Variants in STK32B observed in about 807,000 individuals in gnomAD.
STK32B encodes the protein serine/threonine-protein kinase 32B.
A neutral mutation model predicts 52.6 loss-of-function variants in STK32B; 43 were observed. The observed-to-expected ratio is 0.82, with a 90% CI of 0.64 to 1.05. The LOEUF is 1.05. STK32B is among the 50% of genes least tolerant of loss of function. STK32B has a pLI of 0.00. For missense variants in STK32B, 621 were observed against 534.6 expected (o/e 1.16, Z -1.59); for synonymous variants, 238 against 204.3 (o/e 1.17, Z -1.41).
chr4:5,437,721 T>G (rs1280484184), intron 6 of STK32B, among the ~76,000 whole-genome samples: 1 of 152,106 alleles, frequency 6.6e-6, no homozygotes, highest in African/African-American at 2.4e-5. Flanking sequence ...TGTTGGGTGG[T>G]TGGGAGAATT....
Position 5,387,801 on chromosome 4 carries a change from A to G in STK32B, c.435-10406A>G, listed in dbSNP as rs144475945. On this transcript the variant is annotated intron_variant, in intron 4 of 11. Coordinates refer to ENST00000282908, the MANE Select transcript of STK32B (RefSeq NM_018401.3). ...CTTTTGTTACCCAGGCTGGAGTGCA[A>G]TGGCACAACCTTGGCTCACCGCAAC... 6.1e-3 allele frequency among the ~76,000 whole-genome samples: 932 copies of G among 152,146 alleles called. 19 individuals carry two copies. The highest frequency in any genetic ancestry group is 0.058 in the East Asian group (300 of 5,184).
rs932135746 is a variant in STK32B at position 5,200,089 on chromosome 4, A to G, written c.260+31639A>G. 6.6e-5 allele frequency among the ~76,000 whole-genome samples: 10 copies of G among 152,106 alleles called. No individual in the cohort carries two copies. In the East Asian group the frequency reaches 7.7e-4, roughly 12 times the overall value. ...GTCACTAGCTGCCAGGCCTCAGACA[A>G]TCTGTTAAGTCTCAGTTTCATCATC... is the stretch of plus-strand genomic sequence containing the variant. On this transcript the variant is annotated intron_variant, in intron 3 of 11. Transcript: ENST00000282908.
intron 3 of STK32B, among the ~76,000 whole-genome samples, chr4:5,310,447 C>A (rs1730218446): frequency 6.6e-6 from 1 of 152,088 alleles, no homozygotes. Flanking sequence ...TGTTCATCAT[C>A]ACTAATCATT....
At chr4:5,066,980 C>G (rs1168109788) in intron 1 of STK32B, among the ~76,000 whole-genome samples, 2 of 152,194 alleles carry the variant, frequency 1.3e-5, no homozygotes, top group Non-Finnish European at 2.9e-5. Flanking sequence ...GTGGCTCTTT[C>G]ATTAAGTCAG....
At chr4:5,193,189 G>C (rs930424994) in intron 3 of STK32B, among the ~76,000 whole-genome samples, 9 of 152,134 alleles carry the variant, frequency 5.9e-5, no homozygotes, top group Non-Finnish European at 1.3e-4. Flanking sequence ...AGCTCTCTCT[G>C]AACCTGACCC....
At chr4:5,199,587 C>G (rs1721964697) in intron 3 of STK32B, among the ~76,000 whole-genome samples, 1 of 150,500 alleles carries the variant, frequency 6.6e-6, no homozygotes, top group Non-Finnish European at 1.5e-5. Context: ...ATTAAATTTT[C>G]TTTTCACTTC....
rs1186260977 is a variant in STK32B at position 5,499,050 on chromosome 4, C to T, written c.1212C>T (p.Leu404=). 6.2e-7 allele frequency: 1 copy of T among 1,613,546 alleles called. No homozygotes were observed. The highest frequency in any genetic ancestry group is 8.5e-7 in the Non-Finnish European group (1 of 1,179,752). The change falls in exon 12 of 12, where the codon CTC becomes CTT. Residue 404 remains leucine (L), a synonymous_variant. Transcript: ENST00000282908. ...KLQDGCNNNL[L]THTCTRGCSS ...AGGACGGGTGCAACAACAACCTCCT[C>T]ACCCACACCTGCACCCGTGGCTGCA... is the stretch of plus-strand genomic sequence containing the variant.
At chr4:5,145,179 C>A (rs1317432857) in intron 2 of STK32B, among the ~76,000 whole-genome samples, 1 of 152,172 alleles carries the variant, frequency 6.6e-6, no homozygotes, top group Non-Finnish European at 1.5e-5. Context: ...ACATTAAGCA[C>A]CAATGTCTTC....
At position 5,051,665 on chromosome 4, in the gene STK32B, C is replaced by T. The variant is rs893362542; in HGVS notation, c.-199C>T. ...AGGCGCGGCGAGAGCGGGGTCCCTG[C>T]GAGCGCAGTCGGAAGGGCGTCCAGG... is the stretch of plus-strand genomic sequence containing the variant. On this transcript the variant is annotated 5_prime_UTR_variant, in exon 1 of 12. Transcript: ENST00000282908. 6 of 605,282 alleles carry T rather than the reference C, an allele frequency of 9.9e-6. No homozygotes were observed. Among genetic ancestry groups the T allele is most frequent in the African/African-American group, 8.0e-5 (4 of 50,304 alleles). 37.5% of individuals were successfully genotyped at this position (605,282 alleles called of 1,614,324 possible).
At chr4:5,132,099 A>G (rs1166235447) in intron 1 of STK32B, among the ~76,000 whole-genome samples, 1 of 152,186 alleles carries the variant, frequency 6.6e-6, no homozygotes, top group African/African-American at 2.4e-5. Context: ...TGCAAAGAAC[A>G]TGATCTTCCT....
intron 11 of STK32B, among the ~76,000 whole-genome samples, chr4:5,488,282 A>G (rs1719402248): frequency 6.6e-6 from 1 of 152,160 alleles, no homozygotes; most frequent in Non-Finnish European, 1.5e-5. Flanking sequence ...TGGGTGACAG[A>G]GTGAGACTCC....
intron 4 of STK32B, among the ~76,000 whole-genome samples, chr4:5,365,879 G>T (rs1425149095): frequency 6.6e-6 from 1 of 152,184 alleles, no homozygotes; most frequent in African/African-American, 2.4e-5. Context: ...GGCCGAGGGC[G>T]TGGGATTTTA....
intron 1 of STK32B, among the ~76,000 whole-genome samples, chr4:5,067,345 C>A (rs1054480935): frequency 6.6e-6 from 1 of 152,076 alleles, no homozygotes; most frequent in Non-Finnish European, 1.5e-5. Flanking sequence ...GGGACACAGC[C>A]AAACCATATC....
chr4:5,382,179 C>G (rs1560368948), intron 4 of STK32B, among the ~76,000 whole-genome samples: 1 of 152,184 alleles, frequency 6.6e-6, no homozygotes, highest in Non-Finnish European at 1.5e-5. Flanking sequence ...AATACTCCCA[C>G]TGAAACATGC....
upstream of STK32B, among the ~76,000 whole-genome samples, chr4:5,050,664 C>T (rs899936875): frequency 1.3e-5 from 2 of 152,176 alleles, no homozygotes; most frequent in African/African-American, 2.4e-5. Context: ...GAGAGCTGGG[C>T]CCGCAGGACT....
intron 4 of STK32B, among the ~76,000 whole-genome samples, chr4:5,383,926 C>T (rs1336748057): frequency 2.0e-5 from 3 of 152,142 alleles, no homozygotes; most frequent in African/African-American, 7.2e-5. Flanking sequence ...CACGTGGATA[C>T]AGTGTCAGGC....
In STK32B at chr4:5,412,413, G is replaced by C. The variant is rs575638257; in HGVS notation, c.473-4432G>C. On this transcript the variant is annotated intron_variant, in intron 5 of 11. Transcript: ENST00000282908. ...AGCTCATCAGTTAGCATAGCCAGGG[G>C]AAAGCAGAAGTGGAATCCTGCTGTC... Among the ~76,000 whole-genome samples the C allele has an allele frequency of 2.6e-5, 4 of 152,330 alleles. No homozygotes were observed. In the East Asian group the frequency reaches 7.7e-4, roughly 29 times the overall value.
At chr4:5,436,649 A>T (rs1028642391) in intron 6 of STK32B, 2 of 985,418 alleles carry the variant, frequency 2.0e-6, no homozygotes, top group South Asian at 4.7e-5. Flanking sequence ...AGCAAAGCTG[A>T]GGAAGGGAGG....
intron 1 of STK32B, among the ~76,000 whole-genome samples, chr4:5,077,335 C>A (rs546013356): frequency 6.6e-6 from 1 of 152,186 alleles, no homozygotes; most frequent in South Asian, 2.1e-4. Flanking sequence ...CTTTTACAGT[C>A]CAACCCTCTT....
Sources: gnomAD v4.1 joint callset for allele counts (sites outside exome capture counted in the v4.1 genomes callset) on GRCh38, gnomAD v4.1.1 for gene constraint, MANE v1.5 for transcripts, NCBI Gene and HGNC (gene_info 2026-07-23, HGNC 2026-07-21) for gene names.